Variants in HYCC1 observed in about 807,000 individuals in gnomAD.
HYCC1 encodes hyccin.
At chr7:22,963,717 G>T in the HYCC1 span, among the ~76,000 whole-genome samples, 120 of 152,152 alleles carry the variant, frequency 7.9e-4, no homozygotes, top group African/African-American at 2.6e-3. Flanking sequence ...AAACAAACAC[G>T]CATGACTGTA....
At chr7:22,958,978 T>G in the HYCC1 span, among the ~76,000 whole-genome samples, 1 of 152,144 alleles carries the variant, frequency 6.6e-6, no homozygotes, top group East Asian at 1.9e-4. Flanking sequence ...CACACATTAA[T>G]GCCAAAACAG....
chr7:22,918,068 G>T, the HYCC1 span, among the ~76,000 whole-genome samples: 1 of 152,078 alleles, frequency 6.6e-6, no homozygotes. Context: ...TTTAAAAGAA[G>T]AGTGTTGTTT....
At chr7:22,991,036 A>G in the HYCC1 span, 3 of 1,495,466 alleles carry the variant, frequency 2.0e-6, no homozygotes, top group Non-Finnish European at 2.8e-6. Context: ...GAATATAATT[A>G]CTATAGTAGA....
the HYCC1 span, among the ~76,000 whole-genome samples, chr7:22,975,808 C>A: frequency 8.5e-5 from 13 of 152,172 alleles, no homozygotes; most frequent in Non-Finnish European, 1.6e-4. Flanking sequence ...CCTCAACCTC[C>A]CGGGCTCAAG....
At chr7:22,910,909 A>G in the HYCC1 span, among the ~76,000 whole-genome samples, 1 of 151,716 alleles carries the variant, frequency 6.6e-6, no homozygotes, top group Non-Finnish European at 1.5e-5. Context: ...CACAGAAACT[A>G]TGTCACTCTC....
the HYCC1 span, chr7:22,964,386 GTT>G: frequency 8.2e-7 from 1 of 1,216,428 alleles, no homozygotes; most frequent in East Asian, 2.3e-5. Context: ...GAAATTAAAT[GTT>G]TATTTCGCAT....
chr7:22,990,434 T>C, the HYCC1 span, among the ~76,000 whole-genome samples: 1 of 152,180 alleles, frequency 6.6e-6, no homozygotes, highest in Non-Finnish European at 1.5e-5. Context: ...AAACTGATAG[T>C]TGCAGCCCAA....
chr7:22,960,009 A>G, the HYCC1 span, among the ~76,000 whole-genome samples: 1 of 152,198 alleles, frequency 6.6e-6, no homozygotes, highest in Admixed American at 6.5e-5. Context: ...TTATTCTCCT[A>G]CTGAAGTAAC....
At chr7:22,941,635 TA>T in the HYCC1 span, 1 of 152,098 alleles carries the variant, frequency 6.6e-6, no homozygotes, top group East Asian at 1.9e-4. Context: ...AACTCTACTA[TA>T]AAAAAACACA....
At chr7:22,928,789 C>A in the HYCC1 span, among the ~76,000 whole-genome samples, 4 of 151,846 alleles carry the variant, frequency 2.6e-5, no homozygotes, top group East Asian at 3.9e-4. Context: ...TCAATGCCAT[C>A]CCCATCAAGC....
chr7:22,909,604 G>A, the HYCC1 span, among the ~76,000 whole-genome samples: 4 of 152,088 alleles, frequency 2.6e-5, no homozygotes, highest in African/African-American at 9.7e-5. Context: ...CCTTCTAGCG[G>A]GTTATTAACC....
chr7:22,908,908 T>G, the HYCC1 span, among the ~76,000 whole-genome samples: 1 of 152,154 alleles, frequency 6.6e-6, no homozygotes, highest in Non-Finnish European at 1.5e-5. Flanking sequence ...ATGCAGGCAG[T>G]CAACTGTATT....
the HYCC1 span, among the ~76,000 whole-genome samples, chr7:22,920,082 C>G: frequency 6.6e-6 from 1 of 152,186 alleles, no homozygotes; most frequent in African/African-American, 2.4e-5. Flanking sequence ...AATCCCAGCA[C>G]TTTGGGAGGC....
chr7:22,900,203 A>G, the HYCC1 span, among the ~76,000 whole-genome samples: 1 of 152,248 alleles, frequency 6.6e-6, no homozygotes, highest in Non-Finnish European at 1.5e-5. Context: ...TTAAAGGGAA[A>G]TAACAACAAC....
the HYCC1 span, among the ~76,000 whole-genome samples, chr7:22,988,129 C>T: frequency 6.6e-6 from 1 of 152,148 alleles, no homozygotes; most frequent in African/African-American, 2.4e-5. Flanking sequence ...ATACAACACA[C>T]ATTAACCCAA....
the HYCC1 span, among the ~76,000 whole-genome samples, chr7:22,973,875 C>T: frequency 2.0e-5 from 3 of 152,176 alleles, no homozygotes; most frequent in African/African-American, 7.2e-5. Flanking sequence ...ATCAGTGACA[C>T]ATGTTCTTTT....
chr7:22,933,710 A>C, the HYCC1 span, among the ~76,000 whole-genome samples: 1 of 152,186 alleles, frequency 6.6e-6, no homozygotes, highest in Non-Finnish European at 1.5e-5. Flanking sequence ...TGGAATTTTG[A>C]ATTTTTAAAA....
chr7:22,990,408 T>G, the HYCC1 span, among the ~76,000 whole-genome samples: 6 of 152,232 alleles, frequency 3.9e-5, no homozygotes, highest in African/African-American at 1.4e-4. Context: ...TTGGGCTGAC[T>G]GGGCTGGACA....
chr7:22,917,403 T>C, the HYCC1 span, among the ~76,000 whole-genome samples: 1 of 152,214 alleles, frequency 6.6e-6, no homozygotes, highest in Non-Finnish European at 1.5e-5. Flanking sequence ...CTTCTCAGTG[T>C]TCCATCTGCT....
Sources: allele counts gnomAD v4.1 joint callset (sites outside exome capture counted in the v4.1 genomes callset), GRCh38; gene constraint gnomAD v4.1.1; transcripts MANE v1.5; gene names NCBI Gene and HGNC (gene_info 2026-07-23, HGNC 2026-07-21).